Variants in PTPRT observed in about 807,000 individuals in gnomAD.
The protein encoded by PTPRT is receptor-type tyrosine-protein phosphatase T.
In PTPRT, 56 loss-of-function variants were observed where a neutral mutation model predicts 176.8. That is an observed-to-expected ratio of 0.32 (90% CI 0.26 to 0.40). PTPRT has a LOEUF of 0.40. Among genes scored for constraint, PTPRT ranks in the 10% least tolerant of loss-of-function variants. PTPRT has a pLI of 1.00. For synonymous variants in PTPRT, 783 were observed against 739.0 expected (o/e 1.06, Z -0.96); for missense variants, 1,540 against 1,908.2 (o/e 0.81, Z 3.60).
chr20:42,244,686 T>C lies in PTPRT; in HGVS notation c.2312+4001A>G, dbSNP rs903089267. Among the ~76,000 whole-genome samples the C allele has an allele frequency of 1.1e-4, 16 of 152,120 alleles. 1 individual carries two copies. Among genetic ancestry groups the C allele is most frequent in the African/African-American group, 3.9e-4 (16 of 41,410 alleles). Reference sequence around the variant, plus strand: ...CCATGTTCAGACTCCAGGAAGTGTGTCCCAAGGGATAAAATCGAGCTATAT... The same window carrying C: ...CCATGTTCAGACTCCAGGAAGTGTGCCCCAAGGGATAAAATCGAGCTATAT... On this transcript the variant is annotated intron_variant, in intron 14 of 30. Transcript: ENST00000373187.
intron 29 of PTPRT, among the ~76,000 whole-genome samples, chr20:42,083,136 A>AAAAG (rs146913637): frequency 4.9e-4 from 64 of 130,220 alleles, no homozygotes; most frequent in African/African-American, 2.0e-3. Flanking sequence ...AAAAAAAAAA[A>AAAAG]GCAGGCTAAA....
chr20:42,372,391 C>G (rs1254070544), intron 9 of PTPRT, among the ~76,000 whole-genome samples: 1 of 147,402 alleles, frequency 6.8e-6, no homozygotes, highest in Admixed American at 7.0e-5. Flanking sequence ...TCAAGCGATT[C>G]TCCTGTCTCG....
At chr20:43,138,589 C>G (rs1481920848) in intron 1 of PTPRT, among the ~76,000 whole-genome samples, 1 of 152,242 alleles carries the variant, frequency 6.6e-6, no homozygotes, top group Non-Finnish European at 1.5e-5. Flanking sequence ...GTCACTGCCA[C>G]TGTCATGTAA....
chr20:42,256,887 T>C (rs897703543), intron 13 of PTPRT, among the ~76,000 whole-genome samples: 2 of 152,118 alleles, frequency 1.3e-5, no homozygotes, highest in Non-Finnish European at 2.9e-5. Context: ...GGTAGACCCA[T>C]CTGGAGACCT....
the PTPRT span, among the ~76,000 whole-genome samples, chr20:42,046,003 T>A: frequency 6.6e-6 from 1 of 152,202 alleles, no homozygotes; most frequent in East Asian, 1.9e-4. Context: ...CAAGGCTATG[T>A]CTAAAGGGGC....
At chr20:42,442,900 G>A (rs139818873) in intron 9 of PTPRT, among the ~76,000 whole-genome samples, 75 of 152,240 alleles carry the variant, frequency 4.9e-4, no homozygotes, top group African/African-American at 1.7e-3. Context: ...CAATTGCGAC[G>A]GTCTGTGTTC....
At chr20:42,514,570 G>C (rs984359556) in intron 7 of PTPRT, among the ~76,000 whole-genome samples, 3 of 151,978 alleles carry the variant, frequency 2.0e-5, no homozygotes, top group African/African-American at 7.3e-5. Context: ...TTGATTTGGG[G>C]GTGCCTTTTG....
At chr20:42,788,587 G>A (rs1044063830) in intron 3 of PTPRT, among the ~76,000 whole-genome samples, 3 of 152,110 alleles carry the variant, frequency 2.0e-5, no homozygotes, top group East Asian at 1.9e-4. Context: ...CCAGGATTGC[G>A]GGAGTCACCT....
intron 7 of PTPRT, among the ~76,000 whole-genome samples, chr20:42,578,633 C>T (rs1224949608): frequency 6.6e-6 from 1 of 152,164 alleles, no homozygotes; most frequent in South Asian, 2.1e-4. Context: ...ACCAATCCAC[C>T]AGCAAATCTG....
At position 42,840,197 on chromosome 20, in the gene PTPRT, G is replaced by A. The variant is rs187460830; in HGVS notation, c.214+45610C>T. ...CTGGCATTACTTGGTTTACAGCTGC[G>A]TGACCCCCATCTCTGCCTGCGTTGT... is the stretch of plus-strand genomic sequence containing the variant. On this transcript the variant is annotated intron_variant, in intron 2 of 30. Transcript: ENST00000373187. Among the ~76,000 whole-genome samples, 130 of 144,148 alleles carry A rather than the reference G, an allele frequency of 9.0e-4. 4 individuals are homozygous for A. Among genetic ancestry groups the A allele is most frequent in the Admixed American group, 2.5e-3 (35 of 14,202 alleles). The allele number at this position is 144,148 out of a possible 152,430, so 94.6% of individuals were successfully genotyped here.
chr20:42,055,199 T>A, the PTPRT span, among the ~76,000 whole-genome samples: 1 of 152,230 alleles, frequency 6.6e-6, no homozygotes, highest in South Asian at 2.1e-4. Flanking sequence ...CATCTTCTGG[T>A]CACCTTTTAT....
At chr20:42,226,768 CT>C (rs1383929707) in intron 15 of PTPRT, among the ~76,000 whole-genome samples, 3 of 152,074 alleles carry the variant, frequency 2.0e-5, no homozygotes, top group African/African-American at 7.2e-5. Context: ...CCCTGGTTCT[CT>C]CCTCTGGCTG....
intron 6 of PTPRT, among the ~76,000 whole-genome samples, chr20:42,723,107 T>C (rs887400209): frequency 2.6e-5 from 4 of 152,226 alleles, no homozygotes; most frequent in African/African-American, 9.6e-5. Context: ...ACTTATCTCA[T>C]TGACTTTCTG....
At chr20:42,917,359 C>T (rs1978837716) in intron 1 of PTPRT, among the ~76,000 whole-genome samples, 1 of 152,156 alleles carries the variant, frequency 6.6e-6, no homozygotes, top group Admixed American at 6.5e-5. Context: ...GTTTTGGTTA[C>T]TGTAGTCTTG....
chr20:42,156,525 T>G (rs1989362564), intron 17 of PTPRT, among the ~76,000 whole-genome samples: 1 of 152,214 alleles, frequency 6.6e-6, no homozygotes, highest in African/African-American at 2.4e-5. Flanking sequence ...AAATTCCAAC[T>G]TCATAGATCC....
At chr20:42,853,982 CA>C (rs1568636784) in intron 2 of PTPRT, among the ~76,000 whole-genome samples, 1 of 152,180 alleles carries the variant, frequency 6.6e-6, no homozygotes, top group Non-Finnish European at 1.5e-5. Context: ...CACCCATTAT[CA>C]AATCACATAT....
chr20:43,106,178 C>A (rs978209628), intron 1 of PTPRT, among the ~76,000 whole-genome samples: 3 of 152,168 alleles, frequency 2.0e-5, no homozygotes, highest in African/African-American at 7.2e-5. Context: ...CAGACAGCTA[C>A]CTAACTTCTG....
chr20:42,667,780 T>G (rs1401419596), intron 7 of PTPRT, among the ~76,000 whole-genome samples: 2 of 152,208 alleles, frequency 1.3e-5, no homozygotes, highest in African/African-American at 2.4e-5. Context: ...AGGGCAGTAG[T>G]GCAGTCTCCT....
intron 17 of PTPRT, among the ~76,000 whole-genome samples, chr20:42,157,606 A>G (rs1305177171): frequency 6.6e-6 from 1 of 151,670 alleles, no homozygotes; most frequent in Non-Finnish European, 1.5e-5. Flanking sequence ...TCAGCCTTTC[A>G]AAGTGCTGGG....
Sources: gnomAD v4.1 joint callset for allele counts (sites outside exome capture counted in the v4.1 genomes callset) on GRCh38, gnomAD v4.1.1 for gene constraint, MANE v1.5 for transcripts, NCBI Gene and HGNC (gene_info 2026-07-23, HGNC 2026-07-21) for gene names.